WDR64: variants seen among roughly 807,000 people sequenced by gnomAD.
WDR64 encodes the protein WD repeat-containing protein 64.
A neutral mutation model predicts 139.3 loss-of-function variants in WDR64; 112 were observed. The observed-to-expected ratio is 0.80, with a 90% CI of 0.69 to 0.94. WDR64 has a LOEUF of 0.94. WDR64 is among the 40% of genes least tolerant of loss of function. WDR64 has a pLI of 0.00. For missense variants in WDR64, 1,206 were observed against 1,293.1 expected, an observed-to-expected ratio of 0.93 and a Z score of 1.03; for synonymous variants, 444 against 437.7, an observed-to-expected ratio of 1.01 and a Z score of -0.18.
intron 26 of WDR64, 48 bp from the exon 27 acceptor site, chr1:241,796,209 G>T: frequency 7.2e-7 from 1 of 1,397,366 alleles, no homozygotes; most frequent in South Asian, 1.2e-5. Flanking sequence ...TCATATTACA[G>T]AAGTAATCAC....
intron 10 of WDR64, among the ~76,000 whole-genome samples, chr1:241,726,808 G>T (rs1668860252): frequency 6.6e-6 from 1 of 152,122 alleles, no homozygotes; most frequent in African/African-American, 2.4e-5. Flanking sequence ...CAAGATTGTG[G>T]ATATACATGG....
At chr1:241,723,594 TTCTC>T (rs1283520430) in intron 10 of WDR64, among the ~76,000 whole-genome samples, 158 bp downstream of exon 10, 1 of 152,186 alleles carries the variant, frequency 6.6e-6, no homozygotes, top group African/African-American at 2.4e-5. Flanking sequence ...TAAGCCAATG[TTCTC>T]TCTTTCTATT....
intron 10 of WDR64, among the ~76,000 whole-genome samples, chr1:241,731,927 T>C (rs976491122): frequency 6.6e-6 from 1 of 152,334 alleles, no homozygotes. Flanking sequence ...CCATTTATAC[T>C]GTACTGTCAT....
intron 11 of WDR64, among the ~76,000 whole-genome samples, chr1:241,739,252 C>A (rs1669444092): frequency 6.6e-6 from 1 of 152,152 alleles, no homozygotes; most frequent in Non-Finnish European, 1.5e-5. Context: ...TATATGCATA[C>A]CTTTAGGCTT....
At chr1:241,771,913 T>C (rs1170430698) in intron 19 of WDR64, among the ~76,000 whole-genome samples, 1 of 134,112 alleles carries the variant, frequency 7.5e-6, no homozygotes, top group Non-Finnish European at 1.6e-5. Context: ...TACACACATA[T>C]ACATATATAC....
At chr1:241,798,207 A>G (rs1365972551) in intron 27 of WDR64, among the ~76,000 whole-genome samples, 1 of 152,174 alleles carries the variant, frequency 6.6e-6, no homozygotes, top group Non-Finnish European at 1.5e-5. Context: ...TCTCTTAATC[A>G]CTCTGATAGA....
intron 23 of WDR64, among the ~76,000 whole-genome samples, chr1:241,786,723 C>A (rs1397538659): frequency 6.6e-6 from 1 of 152,116 alleles, no homozygotes; most frequent in East Asian, 1.9e-4. Flanking sequence ...AGATACAGCC[C>A]ATTCTAAGGC....
Position 241,679,561 on chromosome 1 carries a change from T to A in WDR64, c.590T>A (p.Ile197Asn). 1 of 1,551,844 alleles carries A rather than the reference T, an allele frequency of 6.4e-7. No homozygotes were observed. Among genetic ancestry groups the A allele is most frequent in the Non-Finnish European group, 8.7e-7 (1 of 1,146,922 alleles). The change falls in exon 6 of 28, where the codon ATT (isoleucine) becomes AAT (asparagine). Residue 197 changes from isoleucine (I) to asparagine (N), a missense_variant. Ile to Asn is a moderately radical substitution (Grantham distance 149, BLOSUM62 -3). Transcript: ENST00000437684. The stretch of plus-strand genomic sequence containing the variant: ...GTAGCCACAACCGAAAGGACCATTA[T>A]TGTCTGGGATTATAAAGCTCAAGGG... The part of the protein sequence containing the change: ...RIVATTERTI[I>N]VWDYKAQGSS...
intron 2 of WDR64, among the ~76,000 whole-genome samples, chr1:241,665,441 A>G (rs1158553035): frequency 6.6e-6 from 1 of 152,228 alleles, no homozygotes; most frequent in Non-Finnish European, 1.5e-5. Flanking sequence ...TTATCAGGTA[A>G]TAAAAACACG....
At position 241,711,805 on chromosome 1, in the gene WDR64, T is replaced by C. The variant is rs751713756; in HGVS notation, c.978T>C (p.Pro326=). The C allele has an allele frequency of 6.2e-7, 1 of 1,614,166 alleles. No individual in the cohort carries two copies. The highest frequency in any genetic ancestry group is 8.5e-7 in the Non-Finnish European group (1 of 1,180,012). Residue 326 remains proline, a synonymous_variant, in exon 9 of 28, where the codon CCT becomes CCC. Coordinates refer to ENST00000437684, the MANE Select transcript of WDR64 (RefSeq NM_001367482.1). ...CCATCTAATTTGTGTTTTCCAGGCC[T>C]GTCAGAGAGTTTTCCATGCCAAGAG... The part of the protein sequence containing the change: ...ESLKRLEDNL[P]VREFSMPRGA...
chr1:241,675,236 C>T (rs1339067563), intron 4 of WDR64, among the ~76,000 whole-genome samples: 2 of 96,398 alleles, frequency 2.1e-5, no homozygotes, highest in African/African-American at 4.7e-5. Context: ...CTTCCTCCCT[C>T]CTTCCTCCCT....
At chr1:241,776,458 T>C (rs1236633910) in intron 21 of WDR64, among the ~76,000 whole-genome samples, 2 of 152,216 alleles carry the variant, frequency 1.3e-5, no homozygotes, top group African/African-American at 2.4e-5. Context: ...TTGATAATAA[T>C]TGTCTATATT....
intron 6 of WDR64, among the ~76,000 whole-genome samples, chr1:241,680,666 C>T (rs138441705): frequency 1.3e-5 from 2 of 152,202 alleles, no homozygotes; most frequent in Non-Finnish European, 2.9e-5. Flanking sequence ...TCATTCTCTT[C>T]GATCTTTGTC....
intron 3 of WDR64, among the ~76,000 whole-genome samples, chr1:241,673,430 T>A (rs909473226): frequency 2.6e-5 from 4 of 152,168 alleles, no homozygotes; most frequent in African/African-American, 7.2e-5. Flanking sequence ...TCTTTTTTTT[T>A]AAATTACTGA....
Position 241,703,550 on chromosome 1 carries a change from G to T in WDR64, c.975-8252G>T, listed in dbSNP as rs2148152522. On this transcript the variant is annotated intron_variant, in intron 8 of 27. Coordinates refer to ENST00000437684, the MANE Select transcript of WDR64 (RefSeq NM_001367482.1). This position sits in a 1 kb window ranked among gnomAD's most constrained non-coding sequence, Gnocchi z 5.9. ...TTCAGGGGGATCAGGGAAAAAGTCA[G>T]AATGAACTTCCCAGAATCAATACAT... is the stretch of plus-strand genomic sequence containing the variant. Among the ~76,000 whole-genome samples, 1 of 151,892 alleles carries T rather than the reference G, an allele frequency of 6.6e-6. No individual in the cohort carries two copies. Among genetic ancestry groups the T allele is most frequent in the South Asian group, 2.1e-4 (1 of 4,792 alleles).
At chr1:241,756,989 T>G (rs952201964) in intron 14 of WDR64, among the ~76,000 whole-genome samples, 1 of 152,172 alleles carries the variant, frequency 6.6e-6, no homozygotes, top group Non-Finnish European at 1.5e-5. Flanking sequence ...TTGGACAGCA[T>G]TCATAAAATG....
chr1:241,778,523 T>C (rs1212629318), intron 21 of WDR64, among the ~76,000 whole-genome samples: 1 of 152,230 alleles, frequency 6.6e-6, no homozygotes, highest in East Asian at 1.9e-4. Flanking sequence ...CATAGTTGAA[T>C]TAGTATCTAC....
At chr1:241,706,607 T>C (rs544930579) in intron 8 of WDR64, among the ~76,000 whole-genome samples, 5 of 152,380 alleles carry the variant, frequency 3.3e-5, no homozygotes, top group East Asian at 1.9e-4. Flanking sequence ...TTGCATTTGA[T>C]AGAAGGATAA....
chr1:241,705,595 T>TAATAATAAA (rs1004702038), intron 8 of WDR64, among the ~76,000 whole-genome samples: 3 of 148,280 alleles, frequency 2.0e-5, no homozygotes, highest in Admixed American at 1.4e-4. Context: ...ATAATAATAA[T>TAATAATAAA]AAAAGATACA....
Sources: gnomAD v4.1 joint callset for allele counts (sites outside exome capture counted in the v4.1 genomes callset) on GRCh38, gnomAD v4.1.1 for gene constraint, Gnocchi (gnomAD v3.1) non-coding constraint, MANE v1.5 for transcripts, NCBI Gene and HGNC (gene_info 2026-07-23, HGNC 2026-07-21) for gene names.